Variants in TBC1D14 observed in about 807,000 individuals in gnomAD.
The protein encoded by TBC1D14 is TBC1 domain family, member 14.
A neutral mutation model predicts 79.0 loss-of-function variants in TBC1D14; 26 were observed. The ratio of observed to expected loss-of-function variants is 0.33; its 90% confidence interval spans 0.24 to 0.46. The LOEUF is 0.46. Ranked by LOEUF, TBC1D14 falls within the 20% of genes least tolerant of loss-of-function variation. The probability of loss-of-function intolerance (pLI) is 1.00; values close to 1 mark genes in which losing one functional copy is unlikely to be tolerated. For synonymous variants in TBC1D14, 394 were observed against 349.9 expected, an observed-to-expected ratio of 1.13 and a Z score of -1.40; for missense variants, 769 against 887.6, an observed-to-expected ratio of 0.87 and a Z score of 1.70.
intron 2 of TBC1D14, among the ~76,000 whole-genome samples, chr4:6,937,404 C>T (rs995201285): frequency 6.6e-6 from 1 of 152,164 alleles, no homozygotes; most frequent in African/African-American, 2.4e-5. Flanking sequence ...ACCCTCATGA[C>T]CTAGTCACCT....
Position 6,996,194 on chromosome 4 carries a change from T to C in TBC1D14, c.963-131T>C. On this transcript the variant is annotated intron_variant, in intron 4 of 13. Transcript: ENST00000409757. ...GCATTATAAAAGTTTGTGAAAGAAC[T>C]GTGTAATCTTAAAAAAATGAGTTTT... 3 of 683,116 alleles carry C rather than the reference T, an allele frequency of 4.4e-6. No individual in the cohort carries two copies. The South Asian group carries it at 5.1e-5, about 12-fold the overall frequency. The allele number at this position is 683,116 out of a possible 1,614,324, so 42.3% of individuals were successfully genotyped here.
intron 12 of TBC1D14, 73 bp downstream of exon 12, chr4:7,014,630 A>G: frequency 9.4e-7 from 1 of 1,063,298 alleles, no homozygotes; most frequent in Non-Finnish European, 1.4e-6. Context: ...CTTCTCTGCC[A>G]ACTTCTTCAT....
chr4:6,989,403 C>G (rs1718253780), intron 3 of TBC1D14, among the ~76,000 whole-genome samples: 1 of 152,204 alleles, frequency 6.6e-6, no homozygotes, highest in East Asian at 1.9e-4. Flanking sequence ...TTGTGGGTGT[C>G]TCTTGGCCAC....
intron 2 of TBC1D14, among the ~76,000 whole-genome samples, chr4:6,964,714 T>C (rs1002376307): frequency 3.3e-5 from 5 of 152,114 alleles, no homozygotes; most frequent in Non-Finnish European, 7.4e-5. Flanking sequence ...TAAATAGAAA[T>C]TACCTTGGGC....
chr4:6,959,996 C>A (rs148071892), intron 2 of TBC1D14, among the ~76,000 whole-genome samples: 1 of 151,884 alleles, frequency 6.6e-6, no homozygotes, highest in East Asian at 1.9e-4. Context: ...GAACTTTTTT[C>A]CATCAGCAAC....
intron 12 of TBC1D14, among the ~76,000 whole-genome samples, chr4:7,015,555 G>A (rs1414113585): frequency 6.6e-6 from 1 of 152,166 alleles, no homozygotes; most frequent in African/African-American, 2.4e-5. Flanking sequence ...GGGCCAGGCA[G>A]GTCTTCATGC....
intron 2 of TBC1D14, chr4:6,954,427 T>A (rs557593480): frequency 9.4e-5 from 67 of 716,524 alleles, no homozygotes; most frequent in Non-Finnish European, 1.7e-4. Context: ...TTTGACAGCA[T>A]GTGACCGTCG....
At chr4:6,928,610 A>T (rs1229147317) in intron 2 of TBC1D14, among the ~76,000 whole-genome samples, 2 of 152,186 alleles carry the variant, frequency 1.3e-5, no homozygotes, top group Non-Finnish European at 2.9e-5. Flanking sequence ...AGGTGGGCAG[A>T]TCACCTGAAG....
At chr4:6,974,111 G>A (rs915717040) in intron 3 of TBC1D14, among the ~76,000 whole-genome samples, 3 of 151,806 alleles carry the variant, frequency 2.0e-5, no homozygotes, top group Non-Finnish European at 4.4e-5. Context: ...GACATGAGCC[G>A]CTGGGATTAC....
Position 6,951,443 on chromosome 4 carries a change from A to T in TBC1D14, c.723-15861A>T, listed in dbSNP as rs1577075578. Among the ~76,000 whole-genome samples, 3 of 152,122 alleles carry T rather than the reference A, an allele frequency of 2.0e-5. No individual in the cohort carries two copies. The South Asian group carries it at 6.2e-4, about 32-fold the overall frequency. ...CTACTCCAGAGGCTGATGGGGGAGG[A>T]TTGCTTGAGCCCAGGAATTCGAGTC... On this transcript the variant is annotated intron_variant, in intron 2 of 13. Transcript: ENST00000409757.
At chr4:6,986,994 T>C (rs1030865959) in intron 3 of TBC1D14, among the ~76,000 whole-genome samples, 11 of 152,250 alleles carry the variant, frequency 7.2e-5, no homozygotes, top group Non-Finnish European at 1.2e-4. Flanking sequence ...TCGGGTGATC[T>C]TTAAGGCAGA....
At chr4:7,005,058 GTTTT>G in intron 8 of TBC1D14, 134 bp downstream of exon 8, 3 of 815,802 alleles carry the variant, frequency 3.7e-6, no homozygotes, top group Non-Finnish European at 5.6e-6. Flanking sequence ...CGAGAAAAGG[GTTTT>G]TTTTGTTTTG....
chr4:6,979,210 AAG>A (rs1291589830), intron 3 of TBC1D14, among the ~76,000 whole-genome samples: 1 of 151,698 alleles, frequency 6.6e-6, no homozygotes, highest in African/African-American at 2.4e-5. Flanking sequence ...GGAAGAAAAA[AAG>A]AGAAAACAAA....
chr4:6,990,902 C>T (rs1307723406), intron 3 of TBC1D14, among the ~76,000 whole-genome samples: 2 of 140,186 alleles, frequency 1.4e-5, no homozygotes, highest in South Asian at 2.3e-4. Context: ...GTTCTTTCTC[C>T]AGTGCTGTTT....
intron 2 of TBC1D14, among the ~76,000 whole-genome samples, chr4:6,941,896 T>C (rs1042316046): frequency 6.6e-6 from 1 of 152,186 alleles, no homozygotes; most frequent in Non-Finnish European, 1.5e-5. Context: ...CCCACCTTCC[T>C]TCTGCCCTAG....
At position 7,032,396 on chromosome 4, in the gene TBC1D14, C is replaced by T. The variant is rs901819231; in HGVS notation, c.*2004C>T. 5 of 152,690 alleles carry T rather than the reference C, an allele frequency of 3.3e-5. No individual in the cohort carries two copies. Among genetic ancestry groups the T allele is most frequent in the East Asian group, 1.9e-4 (1 of 5,198 alleles). The allele number at this position is 152,690 out of a possible 1,614,324, so 9.5% of individuals were successfully genotyped here. A position where few individuals can be genotyped will look rare whatever the true frequency, so the allele number is the denominator to read the frequency against. ...CAGAAGGTGGCGCGGCAAAGGGCCT[C>T]GTGCAGTGTGTTCAGATTGCCCCTG... is the stretch of plus-strand genomic sequence containing the variant. On this transcript the variant is annotated 3_prime_UTR_variant, in exon 14 of 14. Transcript: ENST00000409757.
intron 8 of TBC1D14, among the ~76,000 whole-genome samples, chr4:7,005,305 G>C (rs1002784201): frequency 1.3e-5 from 2 of 152,146 alleles, no homozygotes; most frequent in African/African-American, 2.4e-5. Flanking sequence ...GGAGGCTGAG[G>C]CGGGTGGATC....
At chr4:6,963,066 C>T (rs1051612617) in intron 2 of TBC1D14, among the ~76,000 whole-genome samples, 2 of 152,208 alleles carry the variant, frequency 1.3e-5, no homozygotes, top group Admixed American at 1.3e-4. Flanking sequence ...CACATAGGTA[C>T]AGAATGGAGG....
chr4:6,961,235 G>A (rs1715163030), intron 2 of TBC1D14, among the ~76,000 whole-genome samples: 1 of 152,152 alleles, frequency 6.6e-6, no homozygotes, highest in African/African-American at 2.4e-5. Context: ...ATGGCCGGGT[G>A]TGGCCTGATC....
Sources: allele counts gnomAD v4.1 joint callset (sites outside exome capture counted in the v4.1 genomes callset), GRCh38; gene constraint gnomAD v4.1.1; transcripts MANE v1.5; gene names NCBI Gene and HGNC (gene_info 2026-07-23, HGNC 2026-07-21).